MIER2: variants seen among roughly 807,000 people sequenced by gnomAD.
MIER2 encodes the protein MIER family member 2, also known as mesoderm induction early response protein 2.
A neutral mutation model predicts 67.6 loss-of-function variants in MIER2; 30 were observed. The observed-to-expected ratio is 0.44, with a 90% CI of 0.33 to 0.60. The LOEUF (loss-of-function observed/expected upper bound fraction) is 0.60. Ranked by LOEUF, MIER2 falls within the 20% of genes least tolerant of loss-of-function variation. The probability of loss-of-function intolerance (pLI) is 0.02; values close to 1 mark genes in which losing one functional copy is unlikely to be tolerated. For missense variants in MIER2, 702 were observed against 745.1 expected, an observed-to-expected ratio of 0.94 and a Z score of 0.67; for synonymous variants, 372 against 312.6, an observed-to-expected ratio of 1.19 and a Z score of -2.00.
Position 327,941 on chromosome 19 carries a change from C to A in MIER2, c.292G>T (p.Ala98Ser). ...DELLALYGYE[A>S]SDPISDRESE... Reference sequence around the variant, plus strand: ...TCCCGGTCTGAAATGGGGTCTGACGCCTCGTAGCCATAGAGCGCAAGCAGC... The same window carrying A: ...TCCCGGTCTGAAATGGGGTCTGACGACTCGTAGCCATAGAGCGCAAGCAGC... Residue 98 changes from alanine to serine, a missense_variant, in exon 4 of 14, where the codon GCG (alanine) becomes TCG (serine). Around this residue, in one of 3 missense-constraint regions of MIER2, gnomAD observed 320 missense variants for 292.6 expected, o/e 1.09. Transcript: ENST00000264819. The A allele has an allele frequency of 6.2e-7, 1 of 1,613,030 alleles. No homozygotes were observed. The highest frequency in any genetic ancestry group is 8.5e-7 in the Non-Finnish European group (1 of 1,179,474).
chr19:308,241 G>A lies in MIER2; in HGVS notation c.1198+336C>T, dbSNP rs553926784. 2.2e-4 allele frequency among the ~76,000 whole-genome samples: 34 copies of A among 152,274 alleles called. No homozygotes were observed. The highest frequency in any genetic ancestry group is 4.1e-4 in the South Asian group (2 of 4,826). ...TGTCCTTCCTGAGTGTCCTGGTGAC[G>A]GGCTAAGTCCCCACCCTGGGGCAGG... On this transcript the variant is annotated intron_variant, in intron 12 of 13. Coordinates refer to ENST00000264819, the MANE Select transcript of MIER2 (RefSeq NM_017550.3). This position sits in a 1 kb window ranked among gnomAD's most constrained non-coding sequence, Gnocchi z 9.1.
At chr19:319,986 G>A (rs977568576) in intron 7 of MIER2, among the ~76,000 whole-genome samples, 3 of 152,200 alleles carry the variant, frequency 2.0e-5, no homozygotes, top group African/African-American at 7.2e-5. Flanking sequence ...TAATCCAGGT[G>A]CTCACAGCGA....
intron 1 of MIER2, 120 bp downstream of exon 1, chr19:344,654 G>A (rs1972665526): frequency 3.1e-6 from 2 of 642,280 alleles, no homozygotes; most frequent in Non-Finnish European, 4.0e-6. Context: ...GCCCCGGCCG[G>A]CCTCAGAGCT....
At chr19:324,823 A>C (rs1971666883) in intron 7 of MIER2, among the ~76,000 whole-genome samples, 1 of 152,206 alleles carries the variant, frequency 6.6e-6, no homozygotes, top group African/African-American at 2.4e-5. Flanking sequence ...ACAGACTCCA[A>C]AGCCAGGGTT....
chr19:340,829 G>A (rs968906880), intron 1 of MIER2, among the ~76,000 whole-genome samples: 1 of 152,154 alleles, frequency 6.6e-6, no homozygotes, highest in African/African-American at 2.4e-5. Flanking sequence ...TCCAGCTTTA[G>A]AAAGTTTAGC....
At chr19:333,751 C>T (rs180996987) in intron 3 of MIER2, among the ~76,000 whole-genome samples, 1,623 of 137,174 alleles carry the variant, frequency 0.012, 77 homozygotes, top group Admixed American at 0.1. Flanking sequence ...TGCAGTGGCA[C>T]GATCTCAGCT....
chr19:307,790 A>G (rs1366505453), intron 12 of MIER2, among the ~76,000 whole-genome samples: 1 of 152,182 alleles, frequency 6.6e-6, no homozygotes, highest in African/African-American at 2.4e-5. Flanking sequence ...GCAGAATACA[A>G]TAGACATAGG....
At chr19:324,505 T>A (rs1250317328) in intron 7 of MIER2, among the ~76,000 whole-genome samples, 2 of 129,620 alleles carry the variant, frequency 1.5e-5, no homozygotes, top group Non-Finnish European at 3.1e-5. Context: ...CGCAGATGAC[T>A]CGAAGGACAC....
rs1356092460 is a variant in MIER2 at position 308,533 on chromosome 19, A to C, written c.1198+44T>G. 1.0e-5 allele frequency: 16 copies of C among 1,537,366 alleles called. No homozygotes were observed. Among genetic ancestry groups the C allele is most frequent in the Non-Finnish European group, 1.4e-5 (16 of 1,137,986 alleles). ...CACCGGGCCTCACTCACGGCTCCAG[A>C]CCCGTGGCCGCCCCCAGGGCAGGAG... On this transcript the variant is annotated intron_variant, in intron 12 of 13. Coordinates refer to ENST00000264819, the MANE Select transcript of MIER2 (RefSeq NM_017550.3). This position sits in a 1 kb window ranked among gnomAD's most constrained non-coding sequence, Gnocchi z 9.1.
intron 3 of MIER2, among the ~76,000 whole-genome samples, chr19:330,793 G>C (rs1462111868): frequency 1.3e-5 from 2 of 152,118 alleles, no homozygotes; most frequent in African/African-American, 4.8e-5. Flanking sequence ...GCCAAGAAGA[G>C]AGCCGGCACC....
intron 3 of MIER2, among the ~76,000 whole-genome samples, chr19:331,294 G>T (rs1972009782): frequency 6.6e-6 from 1 of 151,254 alleles, no homozygotes; most frequent in East Asian, 1.9e-4. Flanking sequence ...AGAGGTAGAG[G>T]TTCCAGTGAG....
In MIER2 at chr19:336,170, A is replaced by G; in HGVS notation, c.13T>C (p.Ser5Pro). The G allele has an allele frequency of 6.2e-7, 1 of 1,612,608 alleles. No individual in the cohort carries two copies. Among genetic ancestry groups the G allele is most frequent in the Non-Finnish European group, 8.5e-7 (1 of 1,179,152 alleles). ...CGAGGACTCTGCCTCCCCAGCGAGG[A>G]GGCCTGCGAAGGAAGAGAGGCAGGG... MAEA[S>P]SLGRQSPRVV... The change falls in exon 2 of 14, where the codon TCC (serine) becomes CCC (proline). Residue 5 changes from serine to proline, a missense_variant. Ser to Pro is a moderately conservative substitution (Grantham distance 74, BLOSUM62 -1). Around this residue, in one of 3 missense-constraint regions of MIER2, gnomAD observed 320 missense variants for 292.6 expected, o/e 1.09. Transcript: ENST00000264819.
chr19:331,538 G>A (rs149358770), intron 3 of MIER2, among the ~76,000 whole-genome samples: 49 of 152,080 alleles, frequency 3.2e-4, no homozygotes, highest in Admixed American at 5.2e-4. Flanking sequence ...GTGTGGTGGC[G>A]TGCGACTATA....
intron 7 of MIER2, among the ~76,000 whole-genome samples, chr19:317,510 A>C (rs993305625): frequency 6.8e-6 from 1 of 146,168 alleles, no homozygotes; most frequent in Non-Finnish European, 1.5e-5. Context: ...CTGGGTGACA[A>C]AGCGAGACTC....
In MIER2 at chr19:307,045, C is replaced by A. The variant is rs1190044215; in HGVS notation, c.1616+74G>T. On this transcript the variant is annotated intron_variant, in intron 13 of 13. Transcript: ENST00000264819. ...CCTTGGGGCAAATGCCTCCCACCCT[C>A]CTCTGCTCAGCCTGAGGGCTGGGGG... 3.4e-6 allele frequency: 5 copies of A among 1,486,224 alleles called. No individual in the cohort carries two copies. The African/African-American group carries it at 6.9e-5, about 21-fold the overall frequency. The allele number at this position is 1,486,224 out of a possible 1,614,324, so 92.1% of individuals were successfully genotyped here.
At chr19:315,495 G>A (rs998711853) in intron 7 of MIER2, among the ~76,000 whole-genome samples, 1 of 152,216 alleles carries the variant, frequency 6.6e-6, no homozygotes, top group Non-Finnish European at 1.5e-5. Flanking sequence ...CAAAACGCCG[G>A]AGAGTCTCAG....
chr19:338,275 G>A (rs1972356516), intron 1 of MIER2, among the ~76,000 whole-genome samples: 1 of 151,056 alleles, frequency 6.6e-6, no homozygotes, highest in Admixed American at 6.6e-5. Context: ...AAACTACAGT[G>A]AGTTCAGCAA....
At chr19:329,960 T>A (rs189850632) in intron 3 of MIER2, among the ~76,000 whole-genome samples, 1 of 150,370 alleles carries the variant, frequency 6.7e-6, no homozygotes, top group African/African-American at 2.5e-5. Context: ...TGTGAGGGCG[T>A]GGGAAGCATG....
chr19:321,401 T>C (rs942795310), intron 7 of MIER2, among the ~76,000 whole-genome samples: 6 of 152,210 alleles, frequency 3.9e-5, no homozygotes, highest in African/African-American at 1.4e-4. Flanking sequence ...TCCCGGCACT[T>C]TGGGAGGCCA....
Sources: allele counts gnomAD v4.1 joint callset (sites outside exome capture counted in the v4.1 genomes callset), GRCh38; gene constraint gnomAD v4.1.1; regional missense constraint gnomAD v4.1.1; non-coding constraint Gnocchi (gnomAD v3.1); transcripts MANE v1.5; gene names NCBI Gene and HGNC (gene_info 2026-07-23, HGNC 2026-07-21).